Variants in HIVEP3 observed in about 807,000 individuals in gnomAD.
HIVEP3 encodes the protein HIVEP zinc finger 3.
Under a neutral mutation model 152.8 loss-of-function variants are expected in HIVEP3, and 49 were observed. The observed-to-expected ratio is 0.32, with a 90% CI of 0.26 to 0.41. The LOEUF is 0.41. Among genes scored for constraint, HIVEP3 ranks in the 10% least tolerant of loss-of-function variants. The pLI is 1.00. For synonymous variants in HIVEP3, 1,269 were observed against 1,289.0 expected, an observed-to-expected ratio of 0.98 and a Z score of 0.33; for missense variants, 2,790 against 3,103.3, an observed-to-expected ratio of 0.90 and a Z score of 2.40.
intron 5 of HIVEP3, among the ~76,000 whole-genome samples, chr1:41,560,732 G>T (rs558448398): frequency 6.6e-6 from 1 of 152,200 alleles, no homozygotes; most frequent in Non-Finnish European, 1.5e-5. Flanking sequence ...GAGACTCCAG[G>T]CTGTGGGTAG....
chr1:41,919,947 G>C (rs1644926957), upstream of HIVEP3, among the ~76,000 whole-genome samples: 1 of 152,196 alleles, frequency 6.6e-6, no homozygotes, highest in African/African-American at 2.4e-5. Flanking sequence ...CCTAAGAGCA[G>C]CGGCAGTGGC....
chr1:41,538,792 A>AGAAGC (rs59800234), intron 5 of HIVEP3, among the ~76,000 whole-genome samples: 1 of 151,692 alleles, frequency 6.6e-6, no homozygotes. Context: ...GCAGGCAGGA[A>AGAAGC]TGGGTTGAAA....
rs1188254756 is a variant in HIVEP3, at chr1:41,584,851, T to G, written c.-54A>C. On this transcript the variant is annotated 5_prime_UTR_variant, in exon 4 of 9. It removes the in-frame stop codon of an upstream open reading frame in the 5' UTR. Coordinates refer to ENST00000372583, the MANE Select transcript of HIVEP3 (RefSeq NM_024503.5). The surrounding 1 kb of genome is among the most constrained non-coding windows in gnomAD (Gnocchi z 5.2). Reference sequence around the variant, plus strand: ...CAGGGAGAGTCAGGGCGGGCTGCATTTATGAATAATCCCAGTGTCCCAAGG... The same window carrying G: ...CAGGGAGAGTCAGGGCGGGCTGCATGTATGAATAATCCCAGTGTCCCAAGG... 1.4e-6 allele frequency: 2 copies of G among 1,411,300 alleles called. No homozygotes were observed. The highest frequency in any genetic ancestry group is 4.8e-5 in the East Asian group (2 of 41,344). 87.4% of individuals were successfully genotyped at this position (1,411,300 alleles called of 1,614,324 possible). A position where few individuals can be genotyped will look rare whatever the true frequency, so the allele number is the denominator to read the frequency against.
chr1:41,971,794 T>A (rs574615708), intron 1 of HIVEP3, among the ~76,000 whole-genome samples: 2 of 152,272 alleles, frequency 1.3e-5, no homozygotes, highest in Admixed American at 1.3e-4. Flanking sequence ...TATAACAGTA[T>A]TAAGAGGTAG....
intron 1 of HIVEP3, among the ~76,000 whole-genome samples, chr1:41,818,653 C>T (rs767317787): frequency 6.6e-6 from 1 of 152,124 alleles, no homozygotes; most frequent in Non-Finnish European, 1.5e-5. Context: ...ACATACCATA[C>T]CGAATGAAAA....
At chr1:41,525,258 G>A (rs1236427701) in intron 5 of HIVEP3, among the ~76,000 whole-genome samples, 1 of 151,834 alleles carries the variant, frequency 6.6e-6, no homozygotes, top group South Asian at 2.1e-4. Flanking sequence ...AACAGCCACC[G>A]CAGGCCACCA....
chr1:41,758,992 G>A (rs1647495630), intron 1 of HIVEP3, among the ~76,000 whole-genome samples: 1 of 151,984 alleles, frequency 6.6e-6, no homozygotes, highest in South Asian at 2.1e-4. Context: ...ATAAAATTCA[G>A]TGGCATTAAG....
At chr1:41,999,224 G>A (rs368122833) in intron 1 of HIVEP3, among the ~76,000 whole-genome samples, 2 of 151,972 alleles carry the variant, frequency 1.3e-5, no homozygotes, top group Middle Eastern at 3.4e-3. Context: ...TAAAAGCAAC[G>A]CATGCCCCGT....
intron 7 of HIVEP3, among the ~76,000 whole-genome samples, chr1:41,516,273 G>A (rs1322968174): frequency 6.7e-6 from 1 of 149,646 alleles, no homozygotes; most frequent in African/African-American, 2.4e-5. Flanking sequence ...GCCACACGGT[G>A]GCGCTAGCGC....
At chr1:41,655,523 T>TAGTGAGAAGAGATTGTGCC (rs1553244198) in intron 2 of HIVEP3, among the ~76,000 whole-genome samples, 1 of 135,750 alleles carries the variant, frequency 7.4e-6, no homozygotes, top group African/African-American at 2.9e-5. Context: ...GCGAAGGTTG[T>TAGTGAGAAGAGATTGTGCC]AGTGAGAAGA....
At chr1:41,897,887 T>C (rs1284349381) in intron 1 of HIVEP3, among the ~76,000 whole-genome samples, 1 of 151,678 alleles carries the variant, frequency 6.6e-6, no homozygotes, top group Non-Finnish European at 1.5e-5. Context: ...CCTAATTCTT[T>C]ATTGCTGGGA....
At chr1:41,788,845 C>T (rs1649521432) in intron 1 of HIVEP3, among the ~76,000 whole-genome samples, 1 of 152,238 alleles carries the variant, frequency 6.6e-6, no homozygotes, top group Admixed American at 6.5e-5. Flanking sequence ...TCAACTCATT[C>T]CTCCTTCTCA....
intron 1 of HIVEP3, among the ~76,000 whole-genome samples, chr1:41,961,902 A>T (rs1645171754): frequency 6.6e-6 from 1 of 152,282 alleles, no homozygotes; most frequent in South Asian, 2.1e-4. Flanking sequence ...AATACATAAG[A>T]CAAATGACTT....
rs1322382375 is a variant in HIVEP3 at position 41,506,595 on chromosome 1, T to G, written c.*3856A>C. 2 of 64,060 alleles carry G rather than the reference T, an allele frequency of 3.1e-5. No homozygotes were observed. The highest frequency in any genetic ancestry group is 2.1e-4 in the Admixed American group (1 of 4,674). The allele number at this position is 64,060 out of a possible 1,614,324, so 4.0% of individuals were successfully genotyped here. ...TTTAGACCTGCGTGGATTTTTGTTT[T>G]TTTTTTTTGTTTGTTTCTGTTTTGT... On this transcript the variant is annotated 3_prime_UTR_variant, in exon 9 of 9. Transcript: ENST00000372583.
intron 5 of HIVEP3, among the ~76,000 whole-genome samples, chr1:41,572,246 A>G (rs1013653170): frequency 6.6e-6 from 1 of 152,194 alleles, no homozygotes; most frequent in African/African-American, 2.4e-5. Flanking sequence ...ACCCAGATGT[A>G]GCAATGTCGG....
Position 41,628,774 on chromosome 1 carries a change from G to A in HIVEP3, c.-547C>T, listed in dbSNP as rs1345431108. On this transcript the variant is annotated 5_prime_UTR_variant, in exon 3 of 9. Transcript: ENST00000372583. ...CTGTGCTGAAGGCACCACTTCCGAT[G>A]ACCAAAACTGAAACGCTGTTCTCTC... 1 of 1,232,136 alleles carries A rather than the reference G, an allele frequency of 8.1e-7. No homozygotes were observed. Among genetic ancestry groups the A allele is most frequent in the South Asian group, 4.1e-5 (1 of 24,296 alleles). 76.3% of individuals were successfully genotyped at this position (1,232,136 alleles called of 1,614,324 possible).
At chr1:41,758,488 C>G (rs1189604053) in intron 1 of HIVEP3, among the ~76,000 whole-genome samples, 1 of 152,226 alleles carries the variant, frequency 6.6e-6, no homozygotes, top group Non-Finnish European at 1.5e-5. Flanking sequence ...CCCAAAAGAC[C>G]TGTCTGAAGA....
Position 41,580,282 on chromosome 1 carries a change from G to A in HIVEP3, c.4516C>T (p.Pro1506Ser). The A allele has an allele frequency of 1.9e-6, 3 of 1,614,122 alleles. No homozygotes were observed. Among genetic ancestry groups the A allele is most frequent in the Non-Finnish European group, 2.5e-6 (3 of 1,179,988 alleles). The change falls in exon 4 of 9, where the codon CCA becomes TCA. Residue 1506 changes from proline (P) to serine (S), a missense_variant. Pro to Ser is a moderately conservative substitution (Grantham distance 74). This residue lies in a region of HIVEP3 where 1,078 missense variants were observed against 1,165.3 expected (regional missense o/e 0.93). Coordinates refer to ENST00000372583, the MANE Select transcript of HIVEP3 (RefSeq NM_024503.5). ...GGAGGAATTTCCTTTGTGTCAGATGGATCTGAGGACAGGCTGGACAGCATT... is the reference window on the plus strand; with the variant it reads ...GGAGGAATTTCCTTTGTGTCAGATGAATCTGAGGACAGGCTGGACAGCATT... ...LEMLSSLSSD[P>S]SDTKEIPPLP...
chr1:41,581,645 C>T lies in HIVEP3; in HGVS notation c.3153G>A (p.Leu1051=). 1 of 1,614,190 alleles carries T rather than the reference C, an allele frequency of 6.2e-7. No individual in the cohort carries two copies. Among genetic ancestry groups the T allele is most frequent in the African/African-American group, 1.3e-5 (1 of 75,066 alleles). ...CCAACTCAGATTCTGGAGGCCTGCT[C>T]AGAGAGGCCTGTCTCACCAAGAAGC... ...RKCFLVRQAS[L]SRPPESELEV... is the part of the protein sequence containing the mutation. Residue 1051 remains leucine, a synonymous_variant, in exon 4 of 9, where the codon CTG becomes CTA. Coordinates refer to ENST00000372583, the MANE Select transcript of HIVEP3 (RefSeq NM_024503.5). The surrounding 1 kb of genome is among the most constrained non-coding windows in gnomAD (Gnocchi z 4.5).
Sources: allele counts gnomAD v4.1 joint callset (sites outside exome capture counted in the v4.1 genomes callset), GRCh38; gene constraint gnomAD v4.1.1; regional missense constraint gnomAD v4.1.1; non-coding constraint Gnocchi (gnomAD v3.1); transcripts MANE v1.5; gene names NCBI Gene and HGNC (gene_info 2026-07-23, HGNC 2026-07-21).